Variants in SMAP1 observed in about 807,000 individuals in gnomAD.
SMAP1 encodes the protein stromal membrane-associated protein 1.
In SMAP1, 24 loss-of-function variants were observed where a neutral mutation model predicts 58.5. The ratio of observed to expected loss-of-function variants is 0.41; its 90% confidence interval spans 0.30 to 0.58. SMAP1 has a LOEUF of 0.58. Among genes scored for constraint, SMAP1 ranks in the 20% least tolerant of loss-of-function variants. SMAP1 has a pLI of 0.29. For synonymous variants in SMAP1, 216 were observed against 196.6 expected (o/e 1.10, Z -0.82); for missense variants, 563 against 566.3 (o/e 0.99, Z 0.06).
chr6:70,726,300 T>A (rs1342090279), intron 1 of SMAP1, among the ~76,000 whole-genome samples: 3 of 152,196 alleles, frequency 2.0e-5, no homozygotes, highest in Non-Finnish European at 4.4e-5. Flanking sequence ...CTATCCTTTG[T>A]AAGCTAGAGA....
chr6:70,770,374 T>G (rs906223693), intron 3 of SMAP1, among the ~76,000 whole-genome samples: 2 of 152,236 alleles, frequency 1.3e-5, no homozygotes, highest in Non-Finnish European at 2.9e-5. Flanking sequence ...TCCCCGTCAC[T>G]TTCAGGTAGA....
At chr6:70,683,188 T>TTGGGGG (rs1766796570) in intron 1 of SMAP1, among the ~76,000 whole-genome samples, 1 of 145,020 alleles carries the variant, frequency 6.9e-6, no homozygotes, top group Non-Finnish European at 1.5e-5. Flanking sequence ...TTTTTTTTCT[T>TTGGGGG]GAGGCGGCGT....
chr6:70,774,403 G>A (rs1339726747), intron 4 of SMAP1, among the ~76,000 whole-genome samples: 2 of 151,938 alleles, frequency 1.3e-5, no homozygotes, highest in Non-Finnish European at 2.9e-5. Flanking sequence ...TAATCTTTTG[G>A]TGAAGTCATC....
chr6:70,788,422 C>G (rs1438853588), intron 4 of SMAP1, among the ~76,000 whole-genome samples: 1 of 151,304 alleles, frequency 6.6e-6, no homozygotes, highest in Non-Finnish European at 1.5e-5. Flanking sequence ...GCACATTGTG[C>G]GCATGTACCC....
chr6:70,693,075 G>A (rs553145036), intron 1 of SMAP1, among the ~76,000 whole-genome samples: 190 of 152,034 alleles, frequency 1.2e-3, no homozygotes, highest in African/African-American at 4.1e-3. Context: ...GAGCCACTGC[G>A]CCCAGCCTAT....
intron 2 of SMAP1, among the ~76,000 whole-genome samples, chr6:70,745,808 A>G (rs1178175110): frequency 6.6e-6 from 1 of 152,202 alleles, no homozygotes; most frequent in East Asian, 1.9e-4. Context: ...ATCCATGAGC[A>G]TGGAATGTTC....
chr6:70,769,611 C>G (rs990862340), intron 3 of SMAP1, among the ~76,000 whole-genome samples: 1 of 152,090 alleles, frequency 6.6e-6, no homozygotes, highest in Non-Finnish European at 1.5e-5. Context: ...CTTGGTAGAT[C>G]TTCCTCCATC....
At chr6:70,775,670 CT>C (rs1019503407) in intron 4 of SMAP1, among the ~76,000 whole-genome samples, 7 of 151,982 alleles carry the variant, frequency 4.6e-5, no homozygotes, top group South Asian at 4.2e-4. Context: ...CAGTTCCTTC[CT>C]TTTTTTATGT....
At chr6:70,798,004 T>C (rs74469834) in intron 5 of SMAP1, among the ~76,000 whole-genome samples, 4,503 of 152,192 alleles carry the variant, frequency 0.03, 247 homozygotes, top group African/African-American at 0.1. Context: ...CTAATCCTTA[T>C]TGGAAATGCA....
Position 70,861,978 on chromosome 6 carries a change from C to T in SMAP1, c.*1644C>T, listed in dbSNP as rs1367932495. On this transcript the variant is annotated 3_prime_UTR_variant, in exon 11 of 11. Transcript: ENST00000370455. ...AATGACTTGAAGACTTACAGCAAAT[C>T]CTTTGTGAAAAATAAAAAAAAAAAA... 6.3e-7 allele frequency: 1 copy of T among 1,575,818 alleles called. No homozygotes were observed. The highest frequency in any genetic ancestry group is 2.0e-5 in the Admixed American group (1 of 50,426).
intron 3 of SMAP1, among the ~76,000 whole-genome samples, chr6:70,758,921 G>A (rs920495864): frequency 6.6e-6 from 1 of 152,058 alleles, no homozygotes; most frequent in Admixed American, 6.6e-5. Flanking sequence ...TCTTACTTTG[G>A]GCAGATTGAT....
chr6:70,854,492 T>C (rs1034935624), intron 8 of SMAP1, among the ~76,000 whole-genome samples: 10 of 151,848 alleles, frequency 6.6e-5, no homozygotes, highest in Admixed American at 5.3e-4. Context: ...CGTGGTGGCG[T>C]GCGCCTGTAA....
At chr6:70,700,127 TATG>T (rs779331937) in intron 1 of SMAP1, among the ~76,000 whole-genome samples, 1 of 152,056 alleles carries the variant, frequency 6.6e-6, no homozygotes, top group Non-Finnish European at 1.5e-5. Flanking sequence ...TCTCATGAGA[TATG>T]ATTATTTAAA....
At chr6:70,736,047 A>G (rs2149866749) in intron 2 of SMAP1, among the ~76,000 whole-genome samples, 1 of 152,162 alleles carries the variant, frequency 6.6e-6, no homozygotes, top group South Asian at 2.1e-4. Flanking sequence ...TGTAAATACT[A>G]AGTTTTTCCT....
At chr6:70,857,127 G>A (rs746212722) in intron 9 of SMAP1, 97 bp downstream of exon 9, 18 of 1,224,402 alleles carry the variant, frequency 1.5e-5, no homozygotes, top group Non-Finnish European at 2.0e-5. Context: ...ATTGTTCCAT[G>A]TAGTGAGTGC....
At chr6:70,741,792 A>G (rs1043400168) in intron 2 of SMAP1, among the ~76,000 whole-genome samples, 1 of 152,210 alleles carries the variant, frequency 6.6e-6, no homozygotes, top group Non-Finnish European at 1.5e-5. Flanking sequence ...CTGTTTGGAC[A>G]TCCAGGTATT....
chr6:70,722,581 A>T (rs1180662994), intron 1 of SMAP1, among the ~76,000 whole-genome samples: 3 of 152,230 alleles, frequency 2.0e-5, no homozygotes, highest in African/African-American at 7.2e-5. Flanking sequence ...TGGAGTGGGA[A>T]ATCAGGGGAC....
chr6:70,686,308 G>A (rs532685160), intron 1 of SMAP1, among the ~76,000 whole-genome samples: 1 of 152,130 alleles, frequency 6.6e-6, no homozygotes, highest in East Asian at 1.9e-4. Context: ...TTTGTTTTCT[G>A]TGTTTAGTTT....
intron 6 of SMAP1, among the ~76,000 whole-genome samples, chr6:70,803,570 C>T (rs1768966634): frequency 6.6e-6 from 1 of 152,142 alleles, no homozygotes; most frequent in Non-Finnish European, 1.5e-5. Context: ...TTCTGTGGTT[C>T]TTTTAATTGT....
Sources: allele counts gnomAD v4.1 joint callset (sites outside exome capture counted in the v4.1 genomes callset), GRCh38; gene constraint gnomAD v4.1.1; transcripts MANE v1.5; gene names NCBI Gene and HGNC (gene_info 2026-07-23, HGNC 2026-07-21).